The following RBBP4 variants were observed in gnomAD, a reference collection of about 807,000 sequenced individuals.
RBBP4 encodes histone-binding protein RBBP4.
In RBBP4, 3 loss-of-function variants were observed where a neutral mutation model predicts 57.2. The observed-to-expected ratio is 0.05, with a 90% CI of 0.02 to 0.14. RBBP4 has a LOEUF of 0.14. RBBP4 is among the 10% of genes least tolerant of loss of function. RBBP4 has a pLI of 1.00. For synonymous variants in RBBP4, 151 were observed against 171.5 expected (o/e 0.88, Z 0.93); for missense variants, 107 against 520.6 (o/e 0.21, Z 7.73).
chr1:32,680,693 C>A lies in RBBP4; in HGVS notation c.*988C>A. Reference sequence around the variant, plus strand: ...GTTTTATTTAGTATAAAACATCCATCAAACACCAGTCTCTGGCTTCTAGAA... The same window carrying A: ...GTTTTATTTAGTATAAAACATCCATAAAACACCAGTCTCTGGCTTCTAGAA... On this transcript the variant is annotated 3_prime_UTR_variant, in exon 12 of 12. Transcript: ENST00000373493. The A allele has an allele frequency of 1.5e-6, 1 of 681,882 alleles. No individual in the cohort carries two copies. The highest frequency in any genetic ancestry group is 2.4e-6 in the Non-Finnish European group (1 of 417,076). The allele number at this position is 681,882 out of a possible 1,614,324, so 42.2% of individuals were successfully genotyped here. A position where few individuals can be genotyped will look rare whatever the true frequency, so the allele number is the denominator to read the frequency against.
At chr1:32,665,273 G>C (rs1648595121) in intron 3 of RBBP4, among the ~76,000 whole-genome samples, 1 of 152,116 alleles carries the variant, frequency 6.6e-6, no homozygotes, top group African/African-American at 2.4e-5. Context: ...TTTTTAGCCT[G>C]TGTGAAACAT....
At chr1:32,675,584 A>T (rs887029532) in intron 11 of RBBP4, among the ~76,000 whole-genome samples, 1 of 151,304 alleles carries the variant, frequency 6.6e-6, no homozygotes, top group Non-Finnish European at 1.5e-5. Flanking sequence ...CCTGGCTAAC[A>T]TGGTGAAACC....
At chr1:32,671,038 G>A (rs1648853768) in intron 8 of RBBP4, among the ~76,000 whole-genome samples, 1 of 152,028 alleles carries the variant, frequency 6.6e-6, no homozygotes, top group African/African-American at 2.4e-5. Flanking sequence ...CTCTTTTTCT[G>A]TACCTTAAGG....
rs906933468 is a variant in RBBP4 at position 32,651,449 on chromosome 1, G to A, written c.16+127G>A. ...CAGTCCCCGGTACTGAAGGCGTGAA[G>A]AGGGAACTCCCCGCGGGGCGTGCTA... On this transcript the variant is annotated intron_variant, in intron 1 of 11. Coordinates refer to ENST00000373493, the MANE Select transcript of RBBP4 (RefSeq NM_005610.3). 19 of 1,367,494 alleles carry A rather than the reference G, an allele frequency of 1.4e-5. No homozygotes were observed. In the African/African-American group the frequency reaches 2.9e-4, roughly 21 times the overall value. 84.7% of individuals were successfully genotyped at this position (1,367,494 alleles called of 1,614,324 possible).
rs1648999420 is a variant in RBBP4 at position 32,674,218 on chromosome 1, A to G, written c.1212+1317A>G. 4.6e-5 allele frequency among the ~76,000 whole-genome samples: 7 copies of G among 152,258 alleles called. No homozygotes were observed. The South Asian group carries it at 1.5e-3, about 32-fold the overall frequency. On this transcript the variant is annotated intron_variant, in intron 11 of 11. Transcript: ENST00000373493. ...TAAAATGGCTAAGCTGATAAATTTTATGTTGTATGGAGTTTGCGACAATTT... is the reference window on the plus strand; with the variant it reads ...TAAAATGGCTAAGCTGATAAATTTTGTGTTGTATGGAGTTTGCGACAATTT...
chr1:32,651,509 G>C (rs901184684), intron 1 of RBBP4, 187 bp downstream of exon 1: 53 of 1,338,844 alleles, frequency 4.0e-5, no homozygotes, highest in Non-Finnish European at 4.7e-5. Context: ...GATTTCGGTC[G>C]CAGCTGGCGA....
Position 32,653,680 on chromosome 1 carries a change from G to C in RBBP4, c.164+1619G>C, listed in dbSNP as rs531374800. Reference sequence around the variant, plus strand: ...TTTTTGTTTTTGTTTTTTTTTTTGAGACGGAGTCTCCTCTCTTGCCCAGGC... The same window carrying C: ...TTTTTGTTTTTGTTTTTTTTTTTGACACGGAGTCTCCTCTCTTGCCCAGGC... On this transcript the variant is annotated intron_variant, in intron 2 of 11. Coordinates refer to ENST00000373493, the MANE Select transcript of RBBP4 (RefSeq NM_005610.3). Among the ~76,000 whole-genome samples the C allele has an allele frequency of 7.8e-3, 807 of 103,578 alleles. 7 individuals are homozygous for C. Among genetic ancestry groups the C allele is most frequent in the Non-Finnish European group, 0.011 (596 of 54,848 alleles). The allele number at this position is 103,578 out of a possible 152,430, so 68.0% of individuals were successfully genotyped here.
intron 2 of RBBP4, among the ~76,000 whole-genome samples, chr1:32,657,039 G>A (rs1648174096): frequency 1.3e-5 from 2 of 152,154 alleles, no homozygotes. Context: ...ACGTTGGGAG[G>A]CTGAGGTGGG....
In RBBP4 at chr1:32,651,274, G is replaced by A; in HGVS notation, c.-33G>A. The stretch of plus-strand genomic sequence containing the variant: ...CCTCCCCGCCCCTCCCGCAACGCTC[G>A]ACCCCAGGATTCCCCCGGCTCGCCT... On this transcript the variant is annotated 5_prime_UTR_variant, in exon 1 of 12. Transcript: ENST00000373493. 1 of 1,503,618 alleles carries A rather than the reference G, an allele frequency of 6.7e-7. No individual in the cohort carries two copies. Among genetic ancestry groups the A allele is most frequent in the East Asian group, 2.8e-5 (1 of 35,854 alleles). The allele number at this position is 1,503,618 out of a possible 1,614,324, so 93.1% of individuals were successfully genotyped here. A position where few individuals can be genotyped will look rare whatever the true frequency, so the allele number is the denominator to read the frequency against.
intron 4 of RBBP4, 62 bp downstream of exon 4, chr1:32,668,460 C>G: frequency 6.9e-7 from 1 of 1,443,300 alleles, no homozygotes; most frequent in Non-Finnish European, 9.6e-7. Context: ...GTTCCACTCA[C>G]TGTGAGTTTA....
chr1:32,656,650 C>G (rs949556076), intron 2 of RBBP4, among the ~76,000 whole-genome samples: 1 of 152,098 alleles, frequency 6.6e-6, no homozygotes, highest in Non-Finnish European at 1.5e-5. Flanking sequence ...CCATGCCTGG[C>G]CCAGCTGCAG....
intron 2 of RBBP4, among the ~76,000 whole-genome samples, chr1:32,656,434 C>T (rs940946737): frequency 1.2e-4 from 18 of 152,068 alleles, no homozygotes; most frequent in African/African-American, 4.3e-4. Context: ...CTCACTGCAA[C>T]CTCTGCCTCC....
At chr1:32,673,942 C>CA (rs898299785) in intron 11 of RBBP4, among the ~76,000 whole-genome samples, 8 of 150,400 alleles carry the variant, frequency 5.3e-5, no homozygotes, top group Admixed American at 1.3e-4. Flanking sequence ...ACTAAAAATA[C>CA]AAAAAAAAAT....
rs1017946285 is a variant in RBBP4 at position 32,686,027 on chromosome 1, C to T, written c.*6322C>T. 1.3e-5 allele frequency: 2 copies of T among 152,070 alleles called. No individual in the cohort carries two copies. The highest frequency in any genetic ancestry group is 2.9e-5 in the Non-Finnish European group (2 of 68,028). The allele number at this position is 152,070 out of a possible 1,614,324, so 9.4% of individuals were successfully genotyped here. A position where few individuals can be genotyped will look rare whatever the true frequency, so the allele number is the denominator to read the frequency against. Reference sequence around the variant, plus strand: ...TCCTCTAGCCCTGGACTACTAGTACCGAAGTCACTAGTCACATAGGACTCA... The same window carrying T: ...TCCTCTAGCCCTGGACTACTAGTACTGAAGTCACTAGTCACATAGGACTCA... On this transcript the variant is annotated 3_prime_UTR_variant, in exon 12 of 12. Transcript: ENST00000373493.
rs1157074208 is a variant in RBBP4, at chr1:32,653,637, G to T, written c.164+1576G>T. Among the ~76,000 whole-genome samples the T allele has an allele frequency of 1.4e-3, 30 of 20,780 alleles. No individual in the cohort carries two copies. In the South Asian group the frequency reaches 0.02, roughly 14 times the overall value. 13.6% of individuals were successfully genotyped at this position (20,780 alleles called of 152,430 possible). ...TGCTTTGTGTGTTTTTTGTTTTCTG[G>T]TTTTTTTTTTTTTTTTTTTTTTGTT... On this transcript the variant is annotated intron_variant, in intron 2 of 11. Coordinates refer to ENST00000373493, the MANE Select transcript of RBBP4 (RefSeq NM_005610.3).
intron 3 of RBBP4, among the ~76,000 whole-genome samples, chr1:32,662,916 G>T (rs893919833): frequency 6.6e-6 from 1 of 151,934 alleles, no homozygotes; most frequent in Non-Finnish European, 1.5e-5. Flanking sequence ...CCCAGGAGGC[G>T]GAGGTTGCAG....
intron 2 of RBBP4, among the ~76,000 whole-genome samples, chr1:32,655,722 T>A (rs138485800): frequency 2.2e-4 from 33 of 152,342 alleles, no homozygotes; most frequent in Non-Finnish European, 4.7e-4. Context: ...TTACCCCAAC[T>A]TTCTCTCCTG....
intron 3 of RBBP4, among the ~76,000 whole-genome samples, chr1:32,666,250 C>T (rs1367357203): frequency 2.6e-5 from 4 of 152,138 alleles, no homozygotes; most frequent in African/African-American, 7.2e-5. Context: ...ACAAGCAATG[C>T]AAGAAGGGCA....
At position 32,663,300 on chromosome 1, in the gene RBBP4, C is replaced by T. The variant is rs186150841; in HGVS notation, c.311-4925C>T. Among the ~76,000 whole-genome samples the T allele has an allele frequency of 2.5e-3, 386 of 152,196 alleles. 2 individuals are homozygous for T. In the Middle Eastern group the frequency reaches 0.027, roughly 11 times the overall value. ...CTTTACTATATCATGTTATACCTCACGTTTGTTTTAATAATATTTATATGG... is the reference window on the plus strand; with the variant it reads ...CTTTACTATATCATGTTATACCTCATGTTTGTTTTAATAATATTTATATGG... On this transcript the variant is annotated intron_variant, in intron 3 of 11. Coordinates refer to ENST00000373493, the MANE Select transcript of RBBP4 (RefSeq NM_005610.3).
Sources: gnomAD v4.1 joint callset for allele counts (sites outside exome capture counted in the v4.1 genomes callset) on GRCh38, gnomAD v4.1.1 for gene constraint, MANE v1.5 for transcripts, NCBI Gene and HGNC (gene_info 2026-07-23, HGNC 2026-07-21) for gene names.